Variants in TTC6 observed in about 807,000 individuals in gnomAD.
TTC6 encodes the protein tetratricopeptide repeat protein 6.
A neutral mutation model predicts 210.4 loss-of-function variants in TTC6; 172 were observed. That is an observed-to-expected ratio of 0.82 (90% CI 0.72 to 0.93). The LOEUF is 0.93. Ranked by LOEUF, TTC6 falls within the 40% of genes least tolerant of loss-of-function variation. The pLI is 0.00. For synonymous variants in TTC6, 804 were observed against 819.6 expected, an observed-to-expected ratio of 0.98 and a Z score of 0.32; for missense variants, 2,414 against 2,318.1, an observed-to-expected ratio of 1.04 and a Z score of -0.85.
At chr14:37,808,884 G>T (rs2096123954) in intron 24 of TTC6, 38 bp downstream of exon 26, 1 of 1,056,808 alleles carries the variant, frequency 9.5e-7, no homozygotes, top group South Asian at 1.5e-5. Context: ...TGTTTAAAGT[G>T]TTTAATAAAT....
At chr14:37,759,530 C>T (rs12436270) in intron 14 of TTC6, among the ~76,000 whole-genome samples, 19,703 of 152,084 alleles carry the variant, frequency 0.13, 1,654 homozygotes, top group Non-Finnish European at 0.2. Flanking sequence ...CTGTGTTTCC[C>T]GAATTTGAAT....
At chr14:37,632,589 C>T (rs972158315) in intron 1 of TTC6, among the ~76,000 whole-genome samples, 1 of 152,208 alleles carries the variant, frequency 6.6e-6, no homozygotes. Flanking sequence ...TCAGGAGGCA[C>T]GGGGGTCAGG....
At chr14:37,622,212 C>T in exon 1 of TTC6, 1 of 1,535,604 alleles carries the variant, frequency 6.5e-7, no homozygotes, top group East Asian at 2.5e-5. Context: ...AGATGAAAGC[C>T]CAGTCCACAG....
At chr14:37,620,412 T>C (rs985394531), upstream of TTC6, among the ~76,000 whole-genome samples, 2 of 152,318 alleles carry the variant, frequency 1.3e-5, no homozygotes, top group Admixed American at 1.3e-4. Context: ...TTTGTTTTAC[T>C]TTCATTGTTT....
intron 2 of TTC6, among the ~76,000 whole-genome samples, chr14:37,681,693 T>G (rs544234697): frequency 6.6e-6 from 1 of 152,192 alleles, no homozygotes; most frequent in Non-Finnish European, 1.5e-5. Flanking sequence ...GGACTTATAC[T>G]AGTGGTTTGC....
chr14:37,655,214 A>C (rs1454778609), intron 1 of TTC6, among the ~76,000 whole-genome samples: 1 of 152,210 alleles, frequency 6.6e-6, no homozygotes, highest in Non-Finnish European at 1.5e-5. Flanking sequence ...TCATACTCTA[A>C]AGATAAATAT....
intron 25 of TTC6, among the ~76,000 whole-genome samples, chr14:37,813,077 TA>T (rs2096133368): frequency 6.6e-6 from 1 of 152,202 alleles, no homozygotes; most frequent in African/African-American, 2.4e-5. Context: ...ATTAGAGATA[TA>T]TAGTTAAATA....
At chr14:37,725,000 G>A (rs1294709312) in exon 7 of TTC6, 6 of 1,484,880 alleles carry the variant, frequency 4.0e-6, no homozygotes, top group Non-Finnish European at 2.7e-6. Context: ...TCCAAAATAT[G>A]AGGTAACATA....
chr14:37,808,834 G>C, exon 24 of TTC6: 1 of 1,520,612 alleles, frequency 6.6e-7, no homozygotes, highest in Non-Finnish European at 8.9e-7. Flanking sequence ...CCAAGATAAG[G>C]GAACTTCAAA....
At chr14:37,837,407 C>T (rs540728470) in intron 29 of TTC6, 1 of 455,040 alleles carries the variant, frequency 2.2e-6, no homozygotes, top group Non-Finnish European at 4.4e-6. Context: ...GGAGTGAATC[C>T]TCTTCAAACT....
chr14:37,776,295 G>C (rs1012309608), intron 14 of TTC6, among the ~76,000 whole-genome samples: 3 of 152,014 alleles, frequency 2.0e-5, no homozygotes, highest in Non-Finnish European at 2.9e-5. Context: ...TTTTCATTGG[G>C]GCATTTAGCC....
chr14:37,684,068 G>T (rs915252936), intron 3 of TTC6, among the ~76,000 whole-genome samples: 3 of 151,790 alleles, frequency 2.0e-5, no homozygotes, highest in African/African-American at 7.3e-5. Context: ...TTCAATTTTT[G>T]CCCGAGACTC....
At chr14:37,790,224 G>A (rs893176617) in intron 15 of TTC6, among the ~76,000 whole-genome samples, 3 of 151,958 alleles carry the variant, frequency 2.0e-5, no homozygotes, top group African/African-American at 4.8e-5. Context: ...TGTCCATCCC[G>A]GTTTGTGTGT....
intron 14 of TTC6, among the ~76,000 whole-genome samples, chr14:37,774,395 T>C (rs2096030682): frequency 6.6e-6 from 1 of 152,150 alleles, no homozygotes; most frequent in Non-Finnish European, 1.5e-5. Flanking sequence ...TGAGTATAGG[T>C]TTGTCATCAA....
intron 5 of TTC6, among the ~76,000 whole-genome samples, chr14:37,711,098 G>A (rs1277468176): frequency 6.6e-6 from 1 of 152,050 alleles, no homozygotes; most frequent in Admixed American, 6.6e-5. Context: ...AATGATGCTC[G>A]ATAGGGAATA....
At chr14:37,779,289 C>T (rs778113636) in intron 14 of TTC6, among the ~76,000 whole-genome samples, 4 of 152,152 alleles carry the variant, frequency 2.6e-5, no homozygotes, top group Non-Finnish European at 4.4e-5. Flanking sequence ...AGATCTGCTG[C>T]GAGTGCCAGT....
chr14:37,682,346 A>G (rs1212442694), intron 2 of TTC6, among the ~76,000 whole-genome samples: 1 of 152,118 alleles, frequency 6.6e-6, no homozygotes, highest in Non-Finnish European at 1.5e-5. Flanking sequence ...TTATAAAAAC[A>G]TGAGCTCCTG....
At chr14:37,733,594 C>G (rs1298490367) in intron 7 of TTC6, among the ~76,000 whole-genome samples, 1 of 152,094 alleles carries the variant, frequency 6.6e-6, no homozygotes, top group Non-Finnish European at 1.5e-5. Flanking sequence ...AATGTAAAGA[C>G]TTTGAAGCTA....
At chr14:37,790,806 T>A (rs1258890282) in exon 16 of TTC6, 2 of 1,534,614 alleles carry the variant, frequency 1.3e-6, no homozygotes, top group Non-Finnish European at 1.7e-6. Flanking sequence ...GCTGGCAATT[T>A]GTGACTTTGA....
Sources: gnomAD v4.1 joint callset for allele counts (sites outside exome capture counted in the v4.1 genomes callset) on GRCh38, gnomAD v4.1.1 for gene constraint, MANE v1.5 for transcripts, NCBI Gene and HGNC (gene_info 2026-07-23, HGNC 2026-07-21) for gene names.